The following PRKG1 variants were observed in gnomAD, a reference collection of about 807,000 sequenced individuals.
The protein encoded by PRKG1 is cGMP-dependent protein kinase 1.
A neutral mutation model predicts 88.1 loss-of-function variants in PRKG1; 35 were observed. That is an observed-to-expected ratio of 0.40 (90% CI 0.30 to 0.53). PRKG1 has a LOEUF of 0.53. PRKG1 is among the 20% of genes least tolerant of loss of function. The probability of loss-of-function intolerance (pLI) is 0.59; values close to 1 mark genes in which losing one functional copy is unlikely to be tolerated. For synonymous variants in PRKG1, 303 were observed against 292.5 expected, an observed-to-expected ratio of 1.04 and a Z score of -0.37; for missense variants, 540 against 839.8, an observed-to-expected ratio of 0.64 and a Z score of 4.41.
At chr10:51,724,807 C>T (rs572712399) in intron 3 of PRKG1, among the ~76,000 whole-genome samples, 4 of 151,874 alleles carry the variant, frequency 2.6e-5, no homozygotes, top group Admixed American at 6.5e-5. Context: ...ATCCGTCCTC[C>T]TGCCTCAGCC....
intron 4 of PRKG1, among the ~76,000 whole-genome samples, chr10:51,845,844 A>C (rs144711932): frequency 1.3e-5 from 2 of 152,152 alleles, no homozygotes; most frequent in African/African-American, 4.8e-5. Context: ...TTGATGAACT[A>C]TTCCTCAGTG....
chr10:52,131,764 G>T (rs1409255502), intron 7 of PRKG1, among the ~76,000 whole-genome samples: 2 of 135,698 alleles, frequency 1.5e-5, no homozygotes, highest in Non-Finnish European at 3.1e-5. Flanking sequence ...GGAGGTTGCA[G>T]TGAGCCGAGT....
chr10:51,229,926 C>CAAAAAAAAAA (rs35300789), intron 2 of PRKG1, among the ~76,000 whole-genome samples: 1 of 33,554 alleles, frequency 3.0e-5, no homozygotes, highest in African/African-American at 8.3e-5. Flanking sequence ...GAGGCGATCT[C>CAAAAAAAAAA]AAAAAAAAAA....
intron 7 of PRKG1, among the ~76,000 whole-genome samples, chr10:52,066,206 A>G (rs1846350985): frequency 1.3e-5 from 2 of 151,920 alleles, no homozygotes; most frequent in Admixed American, 6.6e-5. Flanking sequence ...ATTGTTGACC[A>G]CCCTTTCTTT....
intron 2 of PRKG1, among the ~76,000 whole-genome samples, chr10:51,403,972 T>C (rs958666787): frequency 6.6e-6 from 1 of 152,228 alleles, no homozygotes; most frequent in African/African-American, 2.4e-5. Flanking sequence ...CTGTTAACAC[T>C]ACTCCCTTTT....
In PRKG1 at chr10:50,991,310, A is replaced by AACC. The variant is rs878916889; in HGVS notation, c.-69_-68insACC. On this transcript the variant is annotated 5_prime_UTR_variant, in exon 1 of 18. Coordinates refer to the PRKG1 transcript ENST00000401604. The surrounding 1 kb of genome is among the most constrained non-coding windows in gnomAD (Gnocchi z 4.5). ...GCTCTCCGCTGCCGGCTGCCGTCCCAGCCGCCGCCGCCGCCGCCGCCGCCG... is the reference window on the plus strand; with the variant it reads ...GCTCTCCGCTGCCGGCTGCCGTCCCAACCGCCGCCGCCGCCGCCGCCGCCGCCG... 1 of 1,396,524 alleles carries AACC rather than the reference A, an allele frequency of 7.2e-7. No homozygotes were observed. Among genetic ancestry groups the AACC allele is most frequent in the East Asian group, 3.0e-5 (1 of 33,042 alleles). The allele number at this position is 1,396,524 out of a possible 1,614,324, so 86.5% of individuals were successfully genotyped here. A position where few individuals can be genotyped will look rare whatever the true frequency, so the allele number is the denominator to read the frequency against.
chr10:52,123,783 C>A (rs186162720), intron 7 of PRKG1, among the ~76,000 whole-genome samples: 2 of 151,912 alleles, frequency 1.3e-5, no homozygotes, highest in East Asian at 3.8e-4. Flanking sequence ...AGTTTAAGCT[C>A]TCTAACTAAT....
At chr10:51,055,444 A>G (rs918000534) in intron 1 of PRKG1, among the ~76,000 whole-genome samples, 1 of 152,190 alleles carries the variant, frequency 6.6e-6, no homozygotes, top group Admixed American at 6.5e-5. Context: ...GCCAGAATCT[A>G]TATGGTCCAG....
At chr10:51,369,893 A>G (rs979014380) in intron 2 of PRKG1, among the ~76,000 whole-genome samples, 1 of 152,160 alleles carries the variant, frequency 6.6e-6, no homozygotes, top group Admixed American at 6.6e-5. Flanking sequence ...GTATACCAAA[A>G]TGTGGAAGCC....
chr10:51,530,288 T>G (rs1029072201), intron 3 of PRKG1, among the ~76,000 whole-genome samples: 2 of 152,196 alleles, frequency 1.3e-5, no homozygotes, highest in African/African-American at 4.8e-5. Context: ...AATGTTAGCA[T>G]TTTGTAAGCA....
At chr10:51,853,925 GT>G (rs915621953) in intron 4 of PRKG1, among the ~76,000 whole-genome samples, 38 of 150,902 alleles carry the variant, frequency 2.5e-4, no homozygotes, top group African/African-American at 8.3e-4. Context: ...TTTTCCAAGT[GT>G]TTTTTTTTAA....
intron 4 of PRKG1, among the ~76,000 whole-genome samples, chr10:51,839,009 A>G (rs1840200859): frequency 6.6e-6 from 1 of 152,188 alleles, no homozygotes; most frequent in Non-Finnish European, 1.5e-5. Context: ...ACTGACTGTA[A>G]TAAGAGCATT....
At chr10:52,217,356 A>C (rs72787320) in intron 9 of PRKG1, among the ~76,000 whole-genome samples, 7 of 87,890 alleles carry the variant, frequency 8.0e-5, no homozygotes, top group South Asian at 8.4e-4. Context: ...ATCTATCTAT[A>C]TATATATATA....
intron 1 of PRKG1, among the ~76,000 whole-genome samples, chr10:51,085,382 G>T (rs1317545733): frequency 6.6e-6 from 1 of 151,808 alleles, no homozygotes; most frequent in Non-Finnish European, 1.5e-5. Flanking sequence ...GTACCATTTT[G>T]CTAAGCCTGT....
chr10:52,125,977 G>A (rs1049243954), intron 7 of PRKG1: 20 of 152,154 alleles, frequency 1.3e-4, no homozygotes, highest in African/African-American at 4.6e-4. Context: ...GGACACACTG[G>A]AGAAAGGTAA....
chr10:52,042,775 GT>G lies in PRKG1; in HGVS notation c.763-11708del, dbSNP rs573890453. Among the ~76,000 whole-genome samples the G allele has an allele frequency of 2.0e-5, 3 of 152,244 alleles. No homozygotes were observed. The South Asian group carries it at 6.2e-4, about 32-fold the overall frequency. On this transcript the variant is annotated intron_variant, in intron 5 of 17. Coordinates refer to ENST00000373980, the MANE Select transcript of PRKG1 (RefSeq NM_006258.4). ...CCCAGCAGGGGAAACAATCAACATA[GT>G]GAAGAGACAGCCTGCAGAATGGGAG...
chr10:51,426,159 T>G lies in PRKG1; in HGVS notation c.479-41564T>G, dbSNP rs147594880. Among the ~76,000 whole-genome samples the G allele has an allele frequency of 7.1e-3, 1,085 of 152,152 alleles. 6 individuals carry two copies. The highest frequency in any genetic ancestry group is 0.025 in the African/African-American group (1,033 of 41,514). On this transcript the variant is annotated intron_variant, in intron 2 of 17. Coordinates refer to ENST00000373980, the MANE Select transcript of PRKG1 (RefSeq NM_006258.4). Reference sequence around the variant, plus strand: ...AGATGTGGTGATGCGCACCCACCTGTAACTCCAGCTACTAGGGAGCCTGAG... The same window carrying G: ...AGATGTGGTGATGCGCACCCACCTGGAACTCCAGCTACTAGGGAGCCTGAG...
chr10:51,941,690 A>G (rs2339901), intron 5 of PRKG1, among the ~76,000 whole-genome samples: 73,205 of 149,492 alleles, frequency 0.49, 20,975 homozygotes, highest in African/African-American at 0.79. Context: ...ACCTATGAAT[A>G]AGAACATGTG....
At chr10:51,524,843 A>C (rs1841835720) in intron 3 of PRKG1, among the ~76,000 whole-genome samples, 1 of 152,224 alleles carries the variant, frequency 6.6e-6, no homozygotes, top group Non-Finnish European at 1.5e-5. Flanking sequence ...TTTTGGTACG[A>C]AGGCTCACAC....
Sources: gnomAD v4.1 joint callset for allele counts (sites outside exome capture counted in the v4.1 genomes callset) on GRCh38, gnomAD v4.1.1 for gene constraint, Gnocchi (gnomAD v3.1) non-coding constraint, MANE v1.5 for transcripts, NCBI Gene and HGNC (gene_info 2026-07-23, HGNC 2026-07-21) for gene names.